The following POU6F2 variants were observed in gnomAD, a reference collection of about 807,000 sequenced individuals.
The protein encoded by POU6F2 is POU domain, class 6, transcription factor 2.
In POU6F2, 31 loss-of-function variants were observed where a neutral mutation model predicts 71.3. The ratio of observed to expected loss-of-function variants is 0.43; its 90% CI spans 0.33 to 0.59. The LOEUF is 0.59. POU6F2 is among the 20% of genes least tolerant of loss of function. The pLI, the probability that POU6F2 is intolerant of heterozygous loss-of-function variation, is 0.04. For missense variants in POU6F2, 783 were observed against 856.8 expected (o/e 0.91, Z 1.07); for synonymous variants, 347 against 355.7 (o/e 0.98, Z 0.27).
At chr7:39,222,308 A>G (rs943773723) in intron 4 of POU6F2, among the ~76,000 whole-genome samples, 8 of 152,246 alleles carry the variant, frequency 5.3e-5, no homozygotes, top group Non-Finnish European at 1.2e-4. Flanking sequence ...TTTAGGAGTT[A>G]TCTATTTGCT....
chr7:39,220,877 C>T (rs1056640424), intron 4 of POU6F2, among the ~76,000 whole-genome samples: 95 of 151,966 alleles, frequency 6.3e-4, no homozygotes, highest in African/African-American at 2.2e-3. Context: ...TAGCCATGAG[C>T]CACACATGGC....
At chr7:39,093,488 C>T (rs979492520) in intron 2 of POU6F2, among the ~76,000 whole-genome samples, 1 of 152,024 alleles carries the variant, frequency 6.6e-6, no homozygotes, top group Non-Finnish European at 1.5e-5. Context: ...TGATAGCCAA[C>T]ATGAAACAGT....
At chr7:39,074,575 A>G (rs2128718757) in intron 1 of POU6F2, among the ~76,000 whole-genome samples, 1 of 152,328 alleles carries the variant, frequency 6.6e-6, no homozygotes, top group Admixed American at 6.5e-5. Context: ...TGAAAGCAAT[A>G]GATATTTAGT....
intron 2 of POU6F2, among the ~76,000 whole-genome samples, chr7:39,123,011 C>A (rs1380569691): frequency 2.6e-5 from 4 of 152,132 alleles, no homozygotes; most frequent in Non-Finnish European, 4.4e-5. Flanking sequence ...TCTTAACATG[C>A]CACCAGTTAC....
At chr7:39,173,517 A>G (rs1394486419) in intron 2 of POU6F2, among the ~76,000 whole-genome samples, 1 of 152,312 alleles carries the variant, frequency 6.6e-6, no homozygotes, top group African/African-American at 2.4e-5. Flanking sequence ...GTAGCTAGTG[A>G]TCCTACTCTA....
At chr7:39,001,388 C>G (rs1170131070) in intron 1 of POU6F2, among the ~76,000 whole-genome samples, 1 of 151,984 alleles carries the variant, frequency 6.6e-6, no homozygotes, top group Non-Finnish European at 1.5e-5. Flanking sequence ...TAGAAGATTA[C>G]TAAGATAACT....
At position 39,339,692 on chromosome 7, in the gene POU6F2, C is replaced by A; in HGVS notation, c.649C>A (p.Gln217Lys). 2 of 1,588,840 alleles carry A rather than the reference C, an allele frequency of 1.3e-6. No homozygotes were observed. Among genetic ancestry groups the A allele is most frequent in the Non-Finnish European group, 1.7e-6 (2 of 1,168,142 alleles). ...QLQQLQLQLQ[Q>K]QQQQQQQQPP... ...CCAGCAGCTCCAGCTCCAGCTCCAG[C>A]AGCAGCAGCAGCAGCAGCAGCAGCA... The change falls in exon 5 of 10, where the codon CAG becomes AAG. Residue 217 changes from glutamine to lysine, a missense_variant. This residue lies in a region of POU6F2 where 572 missense variants were observed against 572.9 expected (regional missense o/e 1.00). Transcript: ENST00000518318.
chr7:39,059,883 G>T (rs568475908), intron 1 of POU6F2, among the ~76,000 whole-genome samples: 1 of 152,056 alleles, frequency 6.6e-6, no homozygotes, highest in African/African-American at 2.4e-5. Context: ...GCTACAACAG[G>T]GATGAACCTT....
intron 5 of POU6F2, among the ~76,000 whole-genome samples, chr7:39,363,452 T>C (rs1373490366): frequency 1.3e-5 from 2 of 151,626 alleles, no homozygotes; most frequent in African/African-American, 2.4e-5. Flanking sequence ...GAGGAAGCAA[T>C]TGGATAATCA....
chr7:39,264,432 T>C (rs1383626511), intron 4 of POU6F2, among the ~76,000 whole-genome samples: 1 of 152,188 alleles, frequency 6.6e-6, no homozygotes, highest in East Asian at 1.9e-4. Flanking sequence ...AGGAAACCAT[T>C]CTGACTGCAA....
chr7:39,298,343 T>C (rs966797908), intron 4 of POU6F2, among the ~76,000 whole-genome samples: 2 of 152,094 alleles, frequency 1.3e-5, no homozygotes, highest in African/African-American at 4.8e-5. Context: ...CATCAAAATG[T>C]GGGCAAAGGA....
intron 4 of POU6F2, among the ~76,000 whole-genome samples, chr7:39,231,364 TG>T (rs1273333178): frequency 1.3e-5 from 2 of 152,104 alleles, no homozygotes; most frequent in Non-Finnish European, 2.9e-5. Flanking sequence ...AAAACAGCAA[TG>T]ATAATAGGTA....
chr7:39,121,989 A>G (rs1469273858), intron 2 of POU6F2, among the ~76,000 whole-genome samples: 2 of 152,190 alleles, frequency 1.3e-5, no homozygotes, highest in Non-Finnish European at 2.9e-5. Context: ...ATGAGCCACC[A>G]CACCCAGCCT....
chr7:39,315,515 A>T (rs555292889), intron 4 of POU6F2, among the ~76,000 whole-genome samples: 85 of 152,346 alleles, frequency 5.6e-4, no homozygotes, highest in African/African-American at 1.9e-3. Flanking sequence ...TTAGAAAAAT[A>T]AATGGCCACT....
chr7:39,017,841 T>TGTGTGTGTGA lies in POU6F2; in HGVS notation c.105+39784_105+39785insTGTGTGTGAG, dbSNP rs1409308092. On this transcript the variant is annotated intron_variant, in intron 1 of 9. Transcript: ENST00000518318. Reference sequence around the variant, plus strand: ...GTGTGTGTGTGTGTGTGTGTGTGTGTGATTTGAGTGGATTTTTTTCAGAAT... The same window carrying TGTGTGTGTGA: ...GTGTGTGTGTGTGTGTGTGTGTGTGTGTGTGTGTGAGATTTGAGTGGATTTTTTTCAGAAT... Among the ~76,000 whole-genome samples, 239 of 151,642 alleles carry TGTGTGTGTGA rather than the reference T, an allele frequency of 1.6e-3. 2 individuals are homozygous for TGTGTGTGTGA. Among genetic ancestry groups the TGTGTGTGTGA allele is most frequent in the South Asian group, 1.5e-3 (7 of 4,788 alleles).
chr7:39,278,390 G>C (rs538814432), intron 4 of POU6F2, among the ~76,000 whole-genome samples: 1 of 152,164 alleles, frequency 6.6e-6, no homozygotes, highest in South Asian at 2.1e-4. Context: ...GGCGCACCTG[G>C]TTTTGCTCAT....
At chr7:39,098,961 A>C (rs931291628) in intron 2 of POU6F2, among the ~76,000 whole-genome samples, 5 of 152,184 alleles carry the variant, frequency 3.3e-5, no homozygotes, top group East Asian at 1.9e-4. Context: ...TGAGCCCCCA[A>C]GGGTCCTCCT....
At chr7:39,229,473 A>G (rs1188829146) in intron 4 of POU6F2, among the ~76,000 whole-genome samples, 3 of 152,206 alleles carry the variant, frequency 2.0e-5, no homozygotes, top group Non-Finnish European at 4.4e-5. Flanking sequence ...GCTCATCCCG[A>G]GGTTTAATTT....
intron 1 of POU6F2, among the ~76,000 whole-genome samples, chr7:39,065,942 T>G (rs1308993715): frequency 1.3e-5 from 2 of 151,772 alleles, no homozygotes; most frequent in Non-Finnish European, 3.0e-5. Context: ...TGGAATAATT[T>G]TATAAGCCAA....
Sources: allele counts gnomAD v4.1 joint callset (sites outside exome capture counted in the v4.1 genomes callset), GRCh38; gene constraint gnomAD v4.1.1; regional missense constraint gnomAD v4.1.1; transcripts MANE v1.5; gene names NCBI Gene and HGNC (gene_info 2026-07-23, HGNC 2026-07-21).